The following PRR16 variants were observed in gnomAD, a reference collection of about 807,000 sequenced individuals.
The protein encoded by PRR16 is proline rich 16.
PRR16 carries 6 observed loss-of-function variants against 18.2 expected under a neutral mutation model. That is an observed-to-expected ratio of 0.33 (90% CI 0.18 to 0.65). PRR16 has a LOEUF of 0.65. PRR16 is among the 30% of genes least tolerant of loss of function. The probability of loss-of-function intolerance (pLI) is 0.74; values close to 1 mark genes in which losing one functional copy is unlikely to be tolerated. For synonymous variants in PRR16, 151 were observed against 147.8 expected, an observed-to-expected ratio of 1.02 and a Z score of -0.16; for missense variants, 412 against 376.6, an observed-to-expected ratio of 1.09 and a Z score of -0.78.
intron 1 of PRR16, among the ~76,000 whole-genome samples, chr5:120,663,210 T>A (rs1189948887): frequency 6.6e-6 from 1 of 152,142 alleles, no homozygotes. Context: ...ACCCCCCTTT[T>A]TTTTTCCCTT....
At chr5:120,513,860 G>A (rs1030593090) in intron 1 of PRR16, among the ~76,000 whole-genome samples, 11 of 151,450 alleles carry the variant, frequency 7.3e-5, no homozygotes, top group Admixed American at 3.3e-4. Flanking sequence ...CTGGGTTCAA[G>A]CAATTCTCCT....
chr5:120,763,039 T>G, the PRR16 span, among the ~76,000 whole-genome samples: 1 of 152,160 alleles, frequency 6.6e-6, no homozygotes, highest in African/African-American at 2.4e-5. Context: ...TTCCCCAATA[T>G]GTGTCTGTGG....
At chr5:120,670,375 A>G (rs1756556979) in intron 1 of PRR16, among the ~76,000 whole-genome samples, 2 of 152,158 alleles carry the variant, frequency 1.3e-5, no homozygotes, top group South Asian at 4.1e-4. Context: ...GAGCTGTAAA[A>G]TATCAATTTT....
At chr5:120,605,113 G>A (rs1456090520) in intron 1 of PRR16, among the ~76,000 whole-genome samples, 1 of 152,074 alleles carries the variant, frequency 6.6e-6, no homozygotes, top group African/African-American at 2.4e-5. Context: ...AATTTTTGTG[G>A]TTTTGTGGAC....
chr5:120,612,546 A>G (rs561227099), intron 1 of PRR16, among the ~76,000 whole-genome samples: 83 of 151,902 alleles, frequency 5.5e-4, no homozygotes, highest in Non-Finnish European at 1.1e-3. Context: ...AGGGTTTATC[A>G]GGCGCTTCTA....
At chr5:120,671,929 C>G (rs1756620880) in intron 1 of PRR16, among the ~76,000 whole-genome samples, 2 of 152,128 alleles carry the variant, frequency 1.3e-5, no homozygotes, top group Non-Finnish European at 2.9e-5. Context: ...CAATAAGAGT[C>G]TAATATAAAA....
intron 1 of PRR16, among the ~76,000 whole-genome samples, chr5:120,665,936 T>C: frequency 6.6e-6 from 1 of 152,148 alleles, no homozygotes; most frequent in Non-Finnish European, 1.5e-5. Context: ...GACTTGGCAA[T>C]GTGGGCTCTT....
intron 1 of PRR16, among the ~76,000 whole-genome samples, chr5:120,632,305 T>C (rs1755083862): frequency 1.3e-5 from 2 of 152,044 alleles, no homozygotes; most frequent in African/African-American, 4.8e-5. Context: ...TCTGGTAATA[T>C]GGCAAAACAA....
At chr5:120,739,925 A>G in the PRR16 span, among the ~76,000 whole-genome samples, 2 of 152,214 alleles carry the variant, frequency 1.3e-5, no homozygotes, top group Admixed American at 6.5e-5. Context: ...TAAAATTTAT[A>G]TAATAGATGA....
chr5:120,477,850 C>T (rs1040921083), intron 1 of PRR16, among the ~76,000 whole-genome samples: 11 of 152,152 alleles, frequency 7.2e-5, no homozygotes, highest in African/African-American at 1.2e-4. Context: ...TACATTTTCA[C>T]GCCTATATCC....
At chr5:120,536,838 C>T (rs912100041) in intron 1 of PRR16, among the ~76,000 whole-genome samples, 3 of 152,152 alleles carry the variant, frequency 2.0e-5, no homozygotes, top group African/African-American at 7.2e-5. Flanking sequence ...TTTAAAAATA[C>T]ACATCATGGA....
At chr5:120,674,582 T>C (rs2150149228) in intron 1 of PRR16, among the ~76,000 whole-genome samples, 1 of 152,332 alleles carries the variant, frequency 6.6e-6, no homozygotes, top group South Asian at 2.1e-4. Flanking sequence ...TTTTTCTGAG[T>C]GTCTTGAAAT....
intron 1 of PRR16, among the ~76,000 whole-genome samples, chr5:120,488,357 T>G (rs1749893423): frequency 6.6e-6 from 1 of 152,212 alleles, no homozygotes; most frequent in Admixed American, 6.5e-5. Flanking sequence ...AGATTCAACT[T>G]CTTCCTGGCT....
intron 1 of PRR16, among the ~76,000 whole-genome samples, chr5:120,627,517 C>T (rs1754906184): frequency 6.6e-6 from 1 of 152,010 alleles, no homozygotes; most frequent in Non-Finnish European, 1.5e-5. Flanking sequence ...AGGCATCTAC[C>T]AATAGACAGA....
chr5:120,658,249 T>C (rs542272589), intron 1 of PRR16: 1 of 152,008 alleles, frequency 6.6e-6, no homozygotes, highest in East Asian at 1.9e-4. Flanking sequence ...AACTCTCCAG[T>C]GTGACATGTA....
At chr5:120,738,108 AAGAC>A in the PRR16 span, among the ~76,000 whole-genome samples, 1 of 150,614 alleles carries the variant, frequency 6.6e-6, no homozygotes, top group East Asian at 1.9e-4. Context: ...ATCATAAGAG[AAGAC>A]ATTTCTGAAA....
At chr5:120,706,804 ACTT>A in the PRR16 span, among the ~76,000 whole-genome samples, 5 of 152,288 alleles carry the variant, frequency 3.3e-5, no homozygotes, top group South Asian at 8.3e-4. Context: ...ATCGAATTCA[ACTT>A]CTTGGAGAAA....
chr5:120,622,987 C>T (rs538200390), intron 1 of PRR16, among the ~76,000 whole-genome samples: 86 of 152,064 alleles, frequency 5.7e-4, no homozygotes, highest in African/African-American at 1.9e-3. Flanking sequence ...CATTTTATGT[C>T]TTGGAATTAG....
At chr5:120,474,840 T>C (rs150302919) in intron 1 of PRR16, among the ~76,000 whole-genome samples, 1 of 152,188 alleles carries the variant, frequency 6.6e-6, no homozygotes, top group Non-Finnish European at 1.5e-5. Context: ...AAGGGAGCAG[T>C]TGAGGCTGAG....
Sources: allele counts gnomAD v4.1 joint callset (sites outside exome capture counted in the v4.1 genomes callset), GRCh38; gene constraint gnomAD v4.1.1; transcripts MANE v1.5; gene names NCBI Gene and HGNC (gene_info 2026-07-23, HGNC 2026-07-21).